PPP1R14C: variants seen among roughly 807,000 people sequenced by gnomAD.
PPP1R14C encodes protein phosphatase 1 regulatory inhibitor subunit 14C, also known as protein phosphatase 1 regulatory subunit 14C.
In PPP1R14C, 16 loss-of-function variants were observed where a neutral mutation model predicts 20.4. That is an observed-to-expected ratio of 0.78 (90% CI 0.53 to 1.19). PPP1R14C has a LOEUF of 1.19. Ranked by LOEUF, PPP1R14C falls within the 50% of genes most tolerant of loss-of-function variation. The pLI, the probability that PPP1R14C is intolerant of heterozygous loss-of-function variation, is 0.00. For synonymous variants in PPP1R14C, 91 were observed against 91.0 expected (o/e 1.00, Z 0.00); for missense variants, 211 against 220.1 (o/e 0.96, Z 0.26).
chr6:150,159,895 A>G (rs1278957051), intron 1 of PPP1R14C, among the ~76,000 whole-genome samples: 1 of 152,106 alleles, frequency 6.6e-6, no homozygotes, highest in African/African-American at 2.4e-5. Flanking sequence ...TTTACCTGGT[A>G]TGTCTCCTTA....
intron 1 of PPP1R14C, among the ~76,000 whole-genome samples, chr6:150,167,764 C>T (rs957995012): frequency 1.3e-5 from 2 of 152,078 alleles, no homozygotes; most frequent in Non-Finnish European, 1.5e-5. Context: ...GGACGCCTGG[C>T]CACAGGAGTG....
chr6:150,178,447 A>T (rs966812207), intron 1 of PPP1R14C, among the ~76,000 whole-genome samples: 1 of 152,212 alleles, frequency 6.6e-6, no homozygotes, highest in Non-Finnish European at 1.5e-5. Flanking sequence ...GAGGGCGGTC[A>T]CAGCAGGTGA....
chr6:150,174,410 G>A (rs923794425), intron 1 of PPP1R14C, among the ~76,000 whole-genome samples: 2 of 147,572 alleles, frequency 1.4e-5, no homozygotes, highest in East Asian at 2.5e-4. Flanking sequence ...TAGAGATGGG[G>A]TTTCACCGTG....
At chr6:150,157,968 C>A (rs1777322678) in intron 1 of PPP1R14C, among the ~76,000 whole-genome samples, 1 of 152,202 alleles carries the variant, frequency 6.6e-6, no homozygotes, top group Non-Finnish European at 1.5e-5. Flanking sequence ...AGAGACATTG[C>A]CTTCTAAGAT....
chr6:150,250,065 A>T lies in PPP1R14C; in HGVS notation c.*1245A>T, dbSNP rs1778546204. The T allele has an allele frequency of 6.6e-6, 1 of 152,630 alleles. No individual in the cohort carries two copies. The highest frequency in any genetic ancestry group is 1.5e-5 in the Non-Finnish European group (1 of 68,140). The allele number at this position is 152,630 out of a possible 1,614,324, so 9.5% of individuals were successfully genotyped here. A position where few individuals can be genotyped will look rare whatever the true frequency, so the allele number is the denominator to read the frequency against. On this transcript the variant is annotated 3_prime_UTR_variant, in exon 4 of 4. Coordinates refer to ENST00000361131, the MANE Select transcript of PPP1R14C (RefSeq NM_030949.3). ...GCTCTTTGGAGAAGGATCAAAATTC[A>T]GATGGAATGTGGGATGGGTAATAGG...
chr6:150,184,847 T>G (rs1352760353), intron 1 of PPP1R14C, among the ~76,000 whole-genome samples: 1 of 152,196 alleles, frequency 6.6e-6, no homozygotes, highest in Non-Finnish European at 1.5e-5. Context: ...TGAATGAAAT[T>G]ATCTATTTGA....
At chr6:150,204,095 C>T (rs1273531674) in intron 1 of PPP1R14C, among the ~76,000 whole-genome samples, 3 of 152,230 alleles carry the variant, frequency 2.0e-5, no homozygotes, top group African/African-American at 4.8e-5. Flanking sequence ...AGGCTGCTGT[C>T]GGCACAGGAG....
intron 1 of PPP1R14C, chr6:150,194,435 G>C: frequency 1.0e-6 from 1 of 983,178 alleles, no homozygotes; most frequent in Non-Finnish European, 1.2e-6. Flanking sequence ...AAATGATACT[G>C]TAAACAGGAT....
At chr6:150,214,603 C>T in intron 1 of PPP1R14C, 141 bp from the exon 2 acceptor site, 1 of 617,852 alleles carries the variant, frequency 1.6e-6, no homozygotes, top group Non-Finnish European at 2.8e-6. Context: ...TCCTCTCCCC[C>T]TAGCCTCTCC....
chr6:150,149,601 T>G (rs911878633), intron 1 of PPP1R14C, among the ~76,000 whole-genome samples: 4 of 151,916 alleles, frequency 2.6e-5, no homozygotes, highest in Non-Finnish European at 4.4e-5. Context: ...CCCGGCTACT[T>G]TCTCTGTATG....
At chr6:150,235,656 G>A (rs953881161) in intron 3 of PPP1R14C, among the ~76,000 whole-genome samples, 5 of 152,180 alleles carry the variant, frequency 3.3e-5, no homozygotes, top group Non-Finnish European at 7.4e-5. Flanking sequence ...AGAAAAGTCA[G>A]CATTCCACGC....
At chr6:150,188,768 G>A (rs1403069458) in intron 1 of PPP1R14C, among the ~76,000 whole-genome samples, 2 of 151,850 alleles carry the variant, frequency 1.3e-5, no homozygotes, top group African/African-American at 4.8e-5. Flanking sequence ...TTATAGGTGT[G>A]AGCCACTGCG....
At chr6:150,210,294 C>T (rs1778007069) in intron 1 of PPP1R14C, among the ~76,000 whole-genome samples, 1 of 152,172 alleles carries the variant, frequency 6.6e-6, no homozygotes. Context: ...CTGTCCTTCT[C>T]CAAAACCTCT....
intron 1 of PPP1R14C, chr6:150,195,706 A>T: frequency 3.6e-6 from 1 of 276,036 alleles, no homozygotes; most frequent in Non-Finnish European, 5.5e-6. Flanking sequence ...AGCCATTTTT[A>T]AGTGTACAGG....
chr6:150,193,600 G>T (rs1314012598), intron 1 of PPP1R14C, among the ~76,000 whole-genome samples: 1 of 151,180 alleles, frequency 6.6e-6, no homozygotes, highest in Non-Finnish European at 1.5e-5. Flanking sequence ...TCGATGGAGG[G>T]CCAGGGCTGG....
intron 1 of PPP1R14C, among the ~76,000 whole-genome samples, chr6:150,171,934 T>A (rs1435602677): frequency 1.3e-5 from 2 of 152,072 alleles, no homozygotes. Flanking sequence ...GCCTCCTGAG[T>A]AGCTGGGATT....
intron 3 of PPP1R14C, among the ~76,000 whole-genome samples, chr6:150,229,066 G>A (rs1778262630): frequency 6.6e-6 from 1 of 152,090 alleles, no homozygotes; most frequent in Non-Finnish European, 1.5e-5. Context: ...ATTAGAAACA[G>A]CTCTACACTC....
chr6:150,249,786 G>A lies in PPP1R14C; in HGVS notation c.*966G>A. 2.7e-6 allele frequency: 1 copy of A among 372,614 alleles called. No homozygotes were observed. The highest frequency in any genetic ancestry group is 4.8e-6 in the Non-Finnish European group (1 of 209,996). 23.1% of individuals were successfully genotyped at this position (372,614 alleles called of 1,614,324 possible). On this transcript the variant is annotated 3_prime_UTR_variant, in exon 4 of 4. Transcript: ENST00000361131. ...TCTTCCTTAGAAATAGGTTCTGGTA[G>A]CTTCTGTGCCTGGGTAGTATCAGAC...
chr6:150,175,997 A>G (rs908459529), intron 1 of PPP1R14C, among the ~76,000 whole-genome samples: 1 of 152,224 alleles, frequency 6.6e-6, no homozygotes, highest in African/African-American at 2.4e-5. Flanking sequence ...AAGTGACTCT[A>G]CTAAAGGGGA....
Sources: gnomAD v4.1 joint callset for allele counts (sites outside exome capture counted in the v4.1 genomes callset) on GRCh38, gnomAD v4.1.1 for gene constraint, MANE v1.5 for transcripts, NCBI Gene and HGNC (gene_info 2026-07-23, HGNC 2026-07-21) for gene names.